DCLK1: variants seen among roughly 807,000 people sequenced by gnomAD.
DCLK1 encodes the protein serine/threonine-protein kinase DCLK1.
Under a neutral mutation model 86.2 loss-of-function variants are expected in DCLK1, and 16 were observed. That is an observed-to-expected ratio of 0.19 (90% CI 0.13 to 0.28). The LOEUF (loss-of-function observed/expected upper bound fraction) is 0.28. DCLK1 is among the 10% of genes least tolerant of loss of function. The pLI, the probability that DCLK1 is intolerant of heterozygous loss-of-function variation, is 1.00. For missense variants in DCLK1, 590 were observed against 940.2 expected (o/e 0.63, Z 4.87); for synonymous variants, 369 against 370.5 (o/e 1.00, Z 0.05).
intron 3 of DCLK1, among the ~76,000 whole-genome samples, chr13:36,039,001 AAAGT>A (rs1329073188): frequency 6.6e-6 from 1 of 152,048 alleles, no homozygotes; most frequent in Non-Finnish European, 1.5e-5. Flanking sequence ...ATGACTAAAG[AAAGT>A]ATTTCACATG....
At chr13:36,109,919 C>A (rs999879532) in intron 3 of DCLK1, among the ~76,000 whole-genome samples, 3 of 152,052 alleles carry the variant, frequency 2.0e-5, no homozygotes, top group Non-Finnish European at 4.4e-5. Flanking sequence ...GGATTTATTC[C>A]TGAAATAAAC....
At chr13:36,014,004 G>A (rs963606755) in intron 3 of DCLK1, among the ~76,000 whole-genome samples, 2 of 152,180 alleles carry the variant, frequency 1.3e-5, no homozygotes, top group African/African-American at 4.8e-5. Context: ...CTTTGACTCG[G>A]AAAGGGAACT....
At chr13:36,007,679 T>C (rs1200110030) in intron 3 of DCLK1, among the ~76,000 whole-genome samples, 1 of 152,174 alleles carries the variant, frequency 6.6e-6, no homozygotes, top group East Asian at 1.9e-4. Flanking sequence ...CTTTTCCAAA[T>C]CCATACTATT....
intron 3 of DCLK1, among the ~76,000 whole-genome samples, chr13:36,008,191 C>A (rs1183466813): frequency 1.2e-5 from 1 of 85,050 alleles, no homozygotes; most frequent in African/African-American, 4.6e-5. Flanking sequence ...TCAGAGTCCA[C>A]AGAGCTATTT....
chr13:35,804,625 G>A (rs898425442), intron 15 of DCLK1, among the ~76,000 whole-genome samples: 10 of 151,796 alleles, frequency 6.6e-5, no homozygotes, highest in South Asian at 2.1e-4. Context: ...TAGAGATGGC[G>A]TTTCACCATG....
intron 3 of DCLK1, among the ~76,000 whole-genome samples, chr13:35,975,301 C>T (rs746133816): frequency 6.6e-6 from 1 of 152,156 alleles, no homozygotes; most frequent in Non-Finnish European, 1.5e-5. Context: ...ATGAGTCTCA[C>T]CTTTGCCACT....
At chr13:35,982,344 G>T (rs535768056) in intron 3 of DCLK1, among the ~76,000 whole-genome samples, 1 of 151,312 alleles carries the variant, frequency 6.6e-6, no homozygotes, top group South Asian at 2.1e-4. Flanking sequence ...TCACACCACT[G>T]TACTCCAGCC....
chr13:36,082,336 T>A (rs1050767425), intron 3 of DCLK1, among the ~76,000 whole-genome samples: 3 of 152,202 alleles, frequency 2.0e-5, no homozygotes, highest in Admixed American at 6.5e-5. Context: ...CCTAGCTTAC[T>A]TTATTATAAG....
intron 3 of DCLK1, among the ~76,000 whole-genome samples, chr13:36,071,528 T>C (rs556410803): frequency 6.6e-6 from 1 of 152,330 alleles, no homozygotes; most frequent in East Asian, 1.9e-4. Flanking sequence ...TCTACTATGC[T>C]ATGTTACTCC....
At chr13:35,961,005 T>A (rs935049065) in intron 3 of DCLK1, among the ~76,000 whole-genome samples, 6 of 152,224 alleles carry the variant, frequency 3.9e-5, no homozygotes, top group South Asian at 2.1e-4. Flanking sequence ...AACGTGCTCA[T>A]GTTTACATAT....
chr13:36,051,206 C>A (rs1883111205), intron 3 of DCLK1, among the ~76,000 whole-genome samples: 1 of 152,182 alleles, frequency 6.6e-6, no homozygotes, highest in Non-Finnish European at 1.5e-5. Flanking sequence ...TTCTTAGACA[C>A]TAATCCTTCC....
intron 3 of DCLK1, among the ~76,000 whole-genome samples, chr13:35,978,973 C>A (rs1339919869): frequency 6.6e-6 from 1 of 152,182 alleles, no homozygotes; most frequent in Admixed American, 6.5e-5. Context: ...AAGTGCTCTA[C>A]CTATATTGTC....
intron 3 of DCLK1, among the ~76,000 whole-genome samples, chr13:36,072,249 T>A (rs899464323): frequency 6.6e-6 from 1 of 152,222 alleles, no homozygotes; most frequent in African/African-American, 2.4e-5. Flanking sequence ...TAGCAGTGTA[T>A]GCACAAGTGT....
intron 13 of DCLK1, among the ~76,000 whole-genome samples, chr13:35,808,798 A>C (rs1185907963): frequency 1.3e-5 from 2 of 152,162 alleles, no homozygotes; most frequent in African/African-American, 2.4e-5. Flanking sequence ...GAAAGAAAAA[A>C]AAAAAAAGAA....
In DCLK1 at chr13:35,927,243, AAG is replaced by A. The variant is rs754840387; in HGVS notation, c.823+20113_823+20114del. ...TAAAGTCTACTCTACAAGCAAATGA[AAG>A]AGATTTTGCATTATACATATTTTTA... is the stretch of plus-strand genomic sequence containing the variant. On this transcript the variant is annotated intron_variant, in intron 4 of 16. Transcript: ENST00000360631. Among the ~76,000 whole-genome samples the A allele has an allele frequency of 4.1e-4, 62 of 152,242 alleles. 1 individual carries two copies. Among genetic ancestry groups the A allele is most frequent in the Non-Finnish European group, 1.2e-4 (8 of 68,048 alleles).
At chr13:35,920,689 G>A (rs1379417951) in intron 4 of DCLK1, among the ~76,000 whole-genome samples, 1 of 152,160 alleles carries the variant, frequency 6.6e-6, no homozygotes, top group Non-Finnish European at 1.5e-5. Context: ...ACCGGAGATT[G>A]AGGGCCATGA....
In DCLK1 at chr13:35,851,748, G is replaced by A. The variant is rs551497315; in HGVS notation, c.1035+2751C>T. ...ACATTGCCACGAATATGCTTATGAA[G>A]AGAAATGTCTGGCATGCAGGTTTTC... On this transcript the variant is annotated intron_variant, in intron 6 of 16. Transcript: ENST00000360631. 2.0e-5 allele frequency among the ~76,000 whole-genome samples: 3 copies of A among 152,298 alleles called. 1 individual carries two copies. In the East Asian group the frequency reaches 5.8e-4, roughly 29 times the overall value.
intron 3 of DCLK1, among the ~76,000 whole-genome samples, chr13:36,037,673 G>A (rs1368951803): frequency 5.3e-5 from 8 of 151,856 alleles, no homozygotes; most frequent in South Asian, 2.1e-4. Context: ...TAGTAGAGAC[G>A]GAGTTTCACC....
chr13:35,988,685 T>TA (rs1880060647), intron 3 of DCLK1, among the ~76,000 whole-genome samples: 1 of 152,314 alleles, frequency 6.6e-6, no homozygotes, highest in East Asian at 1.9e-4. Flanking sequence ...GACCTGAAGT[T>TA]AAAAAACTGG....
Sources: gnomAD v4.1 joint callset for allele counts (sites outside exome capture counted in the v4.1 genomes callset) on GRCh38, gnomAD v4.1.1 for gene constraint, MANE v1.5 for transcripts, NCBI Gene and HGNC (gene_info 2026-07-23, HGNC 2026-07-21) for gene names.